ZFAT: variants seen among roughly 807,000 people sequenced by gnomAD.
ZFAT encodes zinc finger protein ZFAT.
A neutral mutation model predicts 117.7 loss-of-function variants in ZFAT; 64 were observed. The ratio of observed to expected loss-of-function variants is 0.54; its 90% CI spans 0.44 to 0.67. The LOEUF is 0.67. Among genes scored for constraint, ZFAT ranks in the 30% least tolerant of loss-of-function variants. The pLI is 0.00. For synonymous variants in ZFAT, 679 were observed against 615.0 expected, an observed-to-expected ratio of 1.10 and a Z score of -1.54; for missense variants, 1,433 against 1,584.5, an observed-to-expected ratio of 0.90 and a Z score of 1.62.
At chr8:134,757,806 G>C in the ZFAT span, among the ~76,000 whole-genome samples, 2 of 152,140 alleles carry the variant, frequency 1.3e-5, no homozygotes, top group East Asian at 3.9e-4. Flanking sequence ...CTGCCTCCTG[G>C]TGATGCTGGT....
At chr8:134,670,741 A>G (rs926862752) in intron 1 of ZFAT, among the ~76,000 whole-genome samples, 1 of 152,258 alleles carries the variant, frequency 6.6e-6, no homozygotes, top group Non-Finnish European at 1.5e-5. Context: ...AAGGCAAGAA[A>G]TAACTAAGAT....
chr8:134,689,457 G>A (rs757124705), intron 1 of ZFAT, among the ~76,000 whole-genome samples: 2 of 152,166 alleles, frequency 1.3e-5, no homozygotes, highest in African/African-American at 2.4e-5. Flanking sequence ...TCAACACCAT[G>A]GTGGGTGAGA....
chr8:134,699,538 G>A (rs1037558382), intron 1 of ZFAT, among the ~76,000 whole-genome samples: 1 of 152,148 alleles, frequency 6.6e-6, no homozygotes. Flanking sequence ...GAGGTAGGGT[G>A]GGAAGAGCTG....
the ZFAT span, among the ~76,000 whole-genome samples, chr8:134,825,480 C>T: frequency 6.6e-6 from 1 of 152,258 alleles, no homozygotes; most frequent in South Asian, 2.1e-4. Context: ...GTTTAACACA[C>T]AATAAGAGTT....
At chr8:134,548,949 G>A (rs760086756) in intron 11 of ZFAT, among the ~76,000 whole-genome samples, 2 of 152,210 alleles carry the variant, frequency 1.3e-5, no homozygotes, top group African/African-American at 2.4e-5. Flanking sequence ...AGCCTGATTG[G>A]CTGACTGCCC....
At chr8:134,709,925 G>A (rs1200001689) in intron 1 of ZFAT, among the ~76,000 whole-genome samples, 1 of 152,136 alleles carries the variant, frequency 6.6e-6, no homozygotes, top group Non-Finnish European at 1.5e-5. Flanking sequence ...TAGACCACAT[G>A]CAACTCCACC....
upstream of ZFAT, among the ~76,000 whole-genome samples, chr8:134,717,752 G>A (rs1214016661): frequency 2.0e-5 from 3 of 151,816 alleles, no homozygotes; most frequent in African/African-American, 7.3e-5. Flanking sequence ...AGGCCAGAGT[G>A]CAGTGGTGAG....
intron 10 of ZFAT, among the ~76,000 whole-genome samples, chr8:134,583,531 G>A (rs373394887): frequency 3.3e-5 from 5 of 152,072 alleles, no homozygotes; most frequent in South Asian, 2.1e-4. Context: ...TGGAAACTTC[G>A]GAACCATGGA....
the ZFAT span, chr8:134,800,725 T>C: frequency 3.1e-6 from 1 of 324,520 alleles, no homozygotes; most frequent in Non-Finnish European, 6.1e-6. Flanking sequence ...CGGAAAGATA[T>C]CCTGAGAGAA....
intron 1 of ZFAT, among the ~76,000 whole-genome samples, chr8:134,705,859 A>T (rs1399973387): frequency 6.6e-6 from 1 of 152,148 alleles, no homozygotes; most frequent in Non-Finnish European, 1.5e-5. Flanking sequence ...AAATAGCCCA[A>T]AGACTTGAAT....
At chr8:134,752,088 C>T in the ZFAT span, among the ~76,000 whole-genome samples, 3 of 152,150 alleles carry the variant, frequency 2.0e-5, no homozygotes, top group Admixed American at 2.0e-4. Context: ...CTAAGATCTC[C>T]GTTAACTTTG....
intron 15 of ZFAT, among the ~76,000 whole-genome samples, chr8:134,483,066 C>A (rs10100094): frequency 0.15 from 23,500 of 152,202 alleles, 2,000 homozygotes; most frequent in African/African-American, 0.2. Flanking sequence ...GGGCTTTCTG[C>A]AGAGTGCACC....
intron 2 of ZFAT, among the ~76,000 whole-genome samples, chr8:134,655,763 G>A (rs1831561121): frequency 1.3e-5 from 2 of 152,216 alleles, no homozygotes; most frequent in Non-Finnish European, 2.9e-5. Context: ...CAGTCTAGAA[G>A]TTCTTTCCAC....
intron 1 of ZFAT, among the ~76,000 whole-genome samples, chr8:134,701,734 C>T (rs552433110): frequency 9.8e-5 from 15 of 152,332 alleles, no homozygotes; most frequent in African/African-American, 3.4e-4. Flanking sequence ...GCCTGCATCA[C>T]TTTTTCATCC....
At chr8:134,650,215 TGG>T (rs1831156925) in intron 2 of ZFAT, among the ~76,000 whole-genome samples, 1 of 151,510 alleles carries the variant, frequency 6.6e-6, no homozygotes, top group African/African-American at 2.4e-5. Context: ...CTCTGCCTCC[TGG>T]GTTCAAGTGA....
chr8:134,769,362 C>T, the ZFAT span, among the ~76,000 whole-genome samples: 3 of 152,172 alleles, frequency 2.0e-5, no homozygotes, highest in Non-Finnish European at 2.9e-5. Context: ...GGGCTACAGG[C>T]CCCATGCAAG....
At chr8:134,493,896 G>A (rs894241871) in intron 15 of ZFAT, among the ~76,000 whole-genome samples, 14 of 152,198 alleles carry the variant, frequency 9.2e-5, no homozygotes, top group Admixed American at 2.0e-4. Context: ...GTGGACCCCA[G>A]GAGATATTTC....
intron 1 of ZFAT, among the ~76,000 whole-genome samples, chr8:134,705,539 A>AT (rs1331761723): frequency 6.6e-6 from 1 of 150,724 alleles, no homozygotes; most frequent in Non-Finnish European, 1.5e-5. Context: ...TTTATTTTTA[A>AT]TTTTTTTTGA....
intron 3 of ZFAT, among the ~76,000 whole-genome samples, chr8:134,611,531 T>C (rs1828329691): frequency 6.6e-6 from 1 of 152,026 alleles, no homozygotes. Flanking sequence ...CTTTGGGGAA[T>C]CGGGGGTGAA....
Sources: gnomAD v4.1 joint callset for allele counts (sites outside exome capture counted in the v4.1 genomes callset) on GRCh38, gnomAD v4.1.1 for gene constraint, MANE v1.5 for transcripts, NCBI Gene and HGNC (gene_info 2026-07-23, HGNC 2026-07-21) for gene names.